ELMO1: variants seen among roughly 807,000 people sequenced by gnomAD.
The protein encoded by ELMO1 is engulfment and cell motility protein 1.
A neutral mutation model predicts 98.9 loss-of-function variants in ELMO1; 26 were observed. The observed-to-expected ratio is 0.26, with a 90% CI of 0.19 to 0.36. The LOEUF (loss-of-function observed/expected upper bound fraction) is 0.36, where lower values mean the gene tolerates loss of function less well. Among genes scored for constraint, ELMO1 ranks in the 10% least tolerant of loss-of-function variants. The pLI, the probability that ELMO1 is intolerant of heterozygous loss-of-function variation, is 1.00. For missense variants in ELMO1, 627 were observed against 935.2 expected (o/e 0.67, Z 4.30); for synonymous variants, 346 against 346.0 (o/e 1.00, Z 0.00).
chr7:37,315,831 A>G, intron 3 of ELMO1, 89 bp downstream of exon 3: 1 of 1,206,758 alleles, frequency 8.3e-7, no homozygotes, highest in East Asian at 2.4e-5. Flanking sequence ...TGACTTATGA[A>G]TAATATTTTA....
intron 4 of ELMO1, among the ~76,000 whole-genome samples, chr7:37,306,254 AG>A (rs1323536862): frequency 6.6e-6 from 1 of 152,256 alleles, no homozygotes; most frequent in African/African-American, 2.4e-5. Flanking sequence ...ACTGAATTCC[AG>A]GTTAGTAAAG....
At chr7:37,376,877 T>C (rs1237096955) in intron 1 of ELMO1, among the ~76,000 whole-genome samples, 2 of 152,226 alleles carry the variant, frequency 1.3e-5, no homozygotes, top group African/African-American at 4.8e-5. Flanking sequence ...TTTTCATTTA[T>C]CAGAGATTAA....
At chr7:36,986,014 C>T in intron 16 of ELMO1, 1 of 1,002,492 alleles carries the variant, frequency 1.0e-6, no homozygotes, top group Non-Finnish European at 1.2e-6. Flanking sequence ...CCCTGAAGAA[C>T]AATGTGCTGG....
At chr7:37,157,043 A>G (rs1472787377) in intron 13 of ELMO1, among the ~76,000 whole-genome samples, 1 of 152,230 alleles carries the variant, frequency 6.6e-6, no homozygotes, top group Non-Finnish European at 1.5e-5. Context: ...AATCCATCAC[A>G]TAAACAGAAC....
At chr7:37,137,443 C>G (rs1478372260) in intron 13 of ELMO1, among the ~76,000 whole-genome samples, 2 of 152,140 alleles carry the variant, frequency 1.3e-5, no homozygotes, top group East Asian at 3.9e-4. Flanking sequence ...ATTTACAGAA[C>G]ATTCTACCCA....
chr7:36,894,880 C>G lies in ELMO1; in HGVS notation c.1575G>C (p.Gln525His), dbSNP rs1805867174. 6.2e-7 allele frequency: 1 copy of G among 1,614,024 alleles called. No homozygotes were observed. The highest frequency in any genetic ancestry group is 1.3e-5 in the African/African-American group (1 of 74,926). Residue 525 changes from glutamine (Q) to histidine (H), a missense_variant, in exon 17 of 22, where the codon CAG (glutamine) becomes CAC (histidine). Physicochemically the swap from Gln to His is conservative, Grantham distance 24 (BLOSUM62 0). Transcript: ENST00000310758. ...AAATCGGGCGGGACTGGAAATCTTCCTGGTTCATCCTCTCGGACTGGCGGA... is the reference window on the plus strand; with the variant it reads ...AAATCGGGCGGGACTGGAAATCTTCGTGGTTCATCCTCTCGGACTGGCGGA... ...LKIRQSERMN[Q>H]EDFQSRPILE... is the part of the protein sequence containing the mutation.
At chr7:37,430,147 A>G (rs368320047) in intron 1 of ELMO1, among the ~76,000 whole-genome samples, 10 of 152,296 alleles carry the variant, frequency 6.6e-5, no homozygotes, top group African/African-American at 2.4e-4. Context: ...ATTGATTCCA[A>G]ATTCAATGTC....
At chr7:37,129,216 G>T (rs909720710) in intron 14 of ELMO1, among the ~76,000 whole-genome samples, 4 of 151,242 alleles carry the variant, frequency 2.6e-5, no homozygotes, top group Non-Finnish European at 4.4e-5. Flanking sequence ...ACAGAGATAG[G>T]CTGTGGGCCA....
chr7:37,056,772 A>G (rs1291803205), intron 15 of ELMO1, among the ~76,000 whole-genome samples: 1 of 152,142 alleles, frequency 6.6e-6, no homozygotes, highest in East Asian at 1.9e-4. Flanking sequence ...ATACAATGAC[A>G]TACTCAGGGC....
intron 13 of ELMO1, among the ~76,000 whole-genome samples, chr7:37,172,902 G>A (rs1394577738): frequency 2.0e-5 from 3 of 152,052 alleles, no homozygotes; most frequent in East Asian, 1.9e-4. Context: ...ACTAGCAGAC[G>A]GCTCTTACTC....
At chr7:36,860,444 TAA>T (rs1174267366) in intron 21 of ELMO1, among the ~76,000 whole-genome samples, 1 of 152,222 alleles carries the variant, frequency 6.6e-6, no homozygotes, top group Non-Finnish European at 1.5e-5. Flanking sequence ...CTGAAGTAAT[TAA>T]AAGTGTTCAC....
chr7:36,868,400 C>T (rs571913312), intron 20 of ELMO1, among the ~76,000 whole-genome samples: 13 of 149,958 alleles, frequency 8.7e-5, no homozygotes, highest in Admixed American at 5.3e-4. Flanking sequence ...GGCTGGAGTG[C>T]AGTGACATGA....
chr7:37,109,488 C>T (rs1484231090), intron 14 of ELMO1, among the ~76,000 whole-genome samples: 1 of 152,104 alleles, frequency 6.6e-6, no homozygotes, highest in Non-Finnish European at 1.5e-5. Flanking sequence ...CCACACACCC[C>T]ACGCGCTGCC....
chr7:36,988,935 T>C (rs1445869013), intron 16 of ELMO1, among the ~76,000 whole-genome samples: 1 of 152,184 alleles, frequency 6.6e-6, no homozygotes, highest in Non-Finnish European at 1.5e-5. Flanking sequence ...TAACCCAAGA[T>C]ATATATTCCT....
intron 16 of ELMO1, among the ~76,000 whole-genome samples, chr7:36,948,012 G>C (rs77837293): frequency 0.052 from 7,953 of 152,276 alleles, 426 homozygotes; most frequent in East Asian, 0.27. Flanking sequence ...AGTCAAGTGA[G>C]TTATTGTGCG....
At chr7:37,121,560 A>G (rs1786041218) in intron 14 of ELMO1, among the ~76,000 whole-genome samples, 1 of 152,204 alleles carries the variant, frequency 6.6e-6, no homozygotes, top group African/African-American at 2.4e-5. Flanking sequence ...TGAAGTGAGA[A>G]GAGAAGTTTA....
intron 15 of ELMO1, among the ~76,000 whole-genome samples, chr7:37,085,386 A>G (rs1156567948): frequency 6.6e-6 from 1 of 152,140 alleles, no homozygotes; most frequent in Admixed American, 6.5e-5. Flanking sequence ...TTTGGTTTTG[A>G]AAACTTTACA....
At chr7:36,973,774 G>T (rs57229663) in intron 16 of ELMO1, among the ~76,000 whole-genome samples, 5,717 of 152,270 alleles carry the variant, frequency 0.038, 362 homozygotes, top group African/African-American at 0.13. Flanking sequence ...CCGGGGCTGC[G>T]CGCGGCGCTT....
intron 15 of ELMO1, among the ~76,000 whole-genome samples, chr7:37,092,504 A>G (rs768880530): frequency 6.6e-6 from 1 of 150,500 alleles, no homozygotes; most frequent in Admixed American, 6.7e-5. Context: ...TCAGCCTCCT[A>G]AGTAGCTGGG....
Sources: allele counts gnomAD v4.1 joint callset (sites outside exome capture counted in the v4.1 genomes callset), GRCh38; gene constraint gnomAD v4.1.1; transcripts MANE v1.5; gene names NCBI Gene and HGNC (gene_info 2026-07-23, HGNC 2026-07-21).